The following NEK3 variants were observed in gnomAD, a reference collection of about 807,000 sequenced individuals.
NEK3 encodes serine/threonine-protein kinase Nek3.
A neutral mutation model predicts 66.0 loss-of-function variants in NEK3; 54 were observed. The ratio of observed to expected loss-of-function variants is 0.82; its 90% CI spans 0.66 to 1.03. The LOEUF is 1.03. NEK3 is among the 50% of genes least tolerant of loss of function. NEK3 has a pLI of 0.00. For synonymous variants in NEK3, 200 were observed against 206.2 expected (o/e 0.97, Z 0.26); for missense variants, 593 against 603.0 (o/e 0.98, Z 0.17).
At chr13:52,140,919 A>C in intron 11 of NEK3, 101 bp downstream of exon 11, 3 of 900,612 alleles carry the variant, frequency 3.3e-6, no homozygotes, top group Non-Finnish European at 3.3e-6. Flanking sequence ...GGTTCACTTG[A>C]TTCTCCTGCC....
chr13:52,140,341 G>A (rs967921927), intron 11 of NEK3, among the ~76,000 whole-genome samples: 1 of 152,096 alleles, frequency 6.6e-6, no homozygotes, highest in Non-Finnish European at 1.5e-5. Context: ...GGGCACGGTG[G>A]CTCACGCCTG....
At chr13:52,152,257 C>T (rs1015278420) in intron 5 of NEK3, among the ~76,000 whole-genome samples, 2 of 151,980 alleles carry the variant, frequency 1.3e-5, no homozygotes, top group African/African-American at 4.8e-5. Context: ...GCATAGAATA[C>T]TTAATAATGC....
chr13:52,147,069 A>G (rs1419467058), intron 8 of NEK3, among the ~76,000 whole-genome samples: 1 of 152,200 alleles, frequency 6.6e-6, no homozygotes, highest in Admixed American at 6.5e-5. Flanking sequence ...TTTTTTGTTC[A>G]TATTTTTAAA....
At chr13:52,135,584 G>A (rs1024637096) in intron 14 of NEK3, 145 bp downstream of exon 14, 25 of 596,266 alleles carry the variant, frequency 4.2e-5, no homozygotes, top group African/African-American at 3.2e-4. Flanking sequence ...GGAAACTGGT[G>A]ATGGCTGTAC....
rs1443547901 is a variant in NEK3, at chr13:52,143,823, T to C, written c.877+92A>G. 4 of 720,336 alleles carry C rather than the reference T, an allele frequency of 5.6e-6. No individual in the cohort carries two copies. The African/African-American group carries it at 7.2e-5, about 13-fold the overall frequency. 44.6% of individuals were successfully genotyped at this position (720,336 alleles called of 1,614,324 possible). A position where few individuals can be genotyped will look rare whatever the true frequency, so the allele number is the denominator to read the frequency against. On this transcript the variant is annotated intron_variant, in intron 10 of 15. Transcript: ENST00000610828. Reference sequence around the variant, plus strand: ...ATTTGAGGAGTATCTCCGATAATCATTTCTAATAACTTAAAAATTATACAT... The same window carrying C: ...ATTTGAGGAGTATCTCCGATAATCACTTCTAATAACTTAAAAATTATACAT...
intron 10 of NEK3, among the ~76,000 whole-genome samples, chr13:52,142,491 T>C (rs971966977): frequency 1.4e-4 from 22 of 152,150 alleles, no homozygotes; most frequent in African/African-American, 1.7e-4. Flanking sequence ...TTCGCCAGGA[T>C]GGTCTTGATC....
At chr13:52,134,254 A>G (rs1956183329) in intron 14 of NEK3, among the ~76,000 whole-genome samples, 1 of 151,956 alleles carries the variant, frequency 6.6e-6, no homozygotes, top group African/African-American at 2.4e-5. Flanking sequence ...TGAACTCCTG[A>G]GCTCAAGCAA....
chr13:52,146,117 G>A lies in NEK3; in HGVS notation c.604-1226C>T, dbSNP rs144715122. On this transcript the variant is annotated intron_variant, in intron 8 of 15. Transcript: ENST00000610828. ...TTTTCCTTAATAATTTCTGCTTGTC[G>A]AATCTTGCTTAAGAAATGATTCTAC... Among the ~76,000 whole-genome samples, 11 of 151,994 alleles carry A rather than the reference G, an allele frequency of 7.2e-5. No individual in the cohort carries two copies. In the East Asian group the frequency reaches 1.9e-3, roughly 27 times the overall value.
chr13:52,142,570 C>T (rs1317587401), intron 10 of NEK3, among the ~76,000 whole-genome samples: 1 of 152,192 alleles, frequency 6.6e-6, no homozygotes. Context: ...GCCACTGCGC[C>T]CAGCCGCTAT....
chr13:52,156,500 C>A, intron 1 of NEK3: 1 of 206,682 alleles, frequency 4.8e-6, no homozygotes, highest in Non-Finnish European at 9.8e-6. Context: ...AATAAATATC[C>A]ATTTGTAAAT....
At chr13:52,136,641 G>A (rs1956208740) in intron 12 of NEK3, among the ~76,000 whole-genome samples, 159 bp downstream of exon 12, 1 of 151,542 alleles carries the variant, frequency 6.6e-6, no homozygotes. Flanking sequence ...CTCTTTTGTT[G>A]TAGGTAAATA....
At chr13:52,139,961 AGAGGCC>A (rs1193353710) in intron 11 of NEK3, among the ~76,000 whole-genome samples, 9 of 150,824 alleles carry the variant, frequency 6.0e-5, no homozygotes, top group Non-Finnish European at 8.9e-5. Flanking sequence ...CAGCACTTTA[AGAGGCC>A]GAGGCGGGAG....
chr13:52,136,977 A>G (rs1956211792), intron 11 of NEK3, 75 bp from the exon 12 acceptor site: 2 of 976,642 alleles, frequency 2.0e-6, no homozygotes, highest in South Asian at 2.0e-5. Flanking sequence ...ATGCAAAGTC[A>G]GCCATTTTAA....
At chr13:52,143,481 C>G (rs1236570913) in intron 10 of NEK3, among the ~76,000 whole-genome samples, 1 of 152,146 alleles carries the variant, frequency 6.6e-6, no homozygotes, top group Non-Finnish European at 1.5e-5. Context: ...CACCCATCAC[C>G]CAGAGTCCAC....
At chr13:52,136,358 C>G (rs182815290) in intron 12 of NEK3, 99 bp from the exon 13 acceptor site, 3 of 1,174,632 alleles carry the variant, frequency 2.6e-6, no homozygotes, top group East Asian at 2.5e-5. Context: ...TGTTTCTTTT[C>G]TCTTTCATAT....
intron 7 of NEK3, among the ~76,000 whole-genome samples, chr13:52,150,328 T>C (rs925876310): frequency 6.6e-6 from 1 of 152,200 alleles, no homozygotes; most frequent in East Asian, 1.9e-4. Flanking sequence ...TAAGTAAATT[T>C]TGGAAGCGCC....
intron 1 of NEK3, among the ~76,000 whole-genome samples, chr13:52,158,471 C>T (rs747902075): frequency 3.3e-5 from 5 of 152,176 alleles, no homozygotes; most frequent in African/African-American, 4.8e-5. Context: ...TGGTATTACA[C>T]GGTTTAACAT....
At chr13:52,144,427 G>C (rs1273345775) in intron 9 of NEK3, among the ~76,000 whole-genome samples, 1 of 152,064 alleles carries the variant, frequency 6.6e-6, no homozygotes, top group Admixed American at 6.5e-5. Flanking sequence ...AGAAAAAAAA[G>C]TACATATAAT....
At chr13:52,149,466 CTA>C (rs2138205771) in intron 7 of NEK3, among the ~76,000 whole-genome samples, 1 of 152,264 alleles carries the variant, frequency 6.6e-6, no homozygotes, top group South Asian at 2.1e-4. Flanking sequence ...AATTTCAAAT[CTA>C]CAGAAAAGTT....
Sources: allele counts gnomAD v4.1 joint callset (sites outside exome capture counted in the v4.1 genomes callset), GRCh38; gene constraint gnomAD v4.1.1; transcripts MANE v1.5; gene names NCBI Gene and HGNC (gene_info 2026-07-23, HGNC 2026-07-21).